CPE: variants seen among roughly 807,000 people sequenced by gnomAD.
CPE encodes the protein carboxypeptidase E.
CPE carries 17 observed loss-of-function variants against 53.5 expected under a neutral mutation model. The ratio of observed to expected loss-of-function variants is 0.32; its 90% CI spans 0.22 to 0.48. CPE has a LOEUF of 0.48. Among genes scored for constraint, CPE ranks in the 20% least tolerant of loss-of-function variants. CPE has a pLI of 0.99. For missense variants in CPE, 524 were observed against 614.7 expected, an observed-to-expected ratio of 0.85 and a Z score of 1.56; for synonymous variants, 226 against 228.8, an observed-to-expected ratio of 0.99 and a Z score of 0.11.
chr4:165,383,552 C>T (rs115561921), intron 1 of CPE, among the ~76,000 whole-genome samples: 2,336 of 152,270 alleles, frequency 0.015, 60 homozygotes, highest in African/African-American at 0.052. Flanking sequence ...AGCTAAAACG[C>T]TATCTCAAAA....
chr4:165,455,617 T>G (rs981147710), intron 1 of CPE, among the ~76,000 whole-genome samples: 1 of 152,118 alleles, frequency 6.6e-6, no homozygotes, highest in Non-Finnish European at 1.5e-5. Flanking sequence ...AAAACTTCTC[T>G]GTGCTCACTT....
At chr4:165,460,079 T>TATACCAGCC (rs1028661288) in intron 1 of CPE, among the ~76,000 whole-genome samples, 1 of 152,056 alleles carries the variant, frequency 6.6e-6, no homozygotes, top group Non-Finnish European at 1.5e-5. Context: ...ACGTGTACAT[T>TATACCAGCC]ATACCAGCCG....
intron 1 of CPE, among the ~76,000 whole-genome samples, chr4:165,438,447 T>G (rs1260674142): frequency 6.6e-6 from 1 of 152,118 alleles, no homozygotes; most frequent in Non-Finnish European, 1.5e-5. Flanking sequence ...CATCTATCCT[T>G]CTTTATTTGA....
chr4:165,496,096 TGTGCTAAGTA>T (rs1255769616), intron 8 of CPE, among the ~76,000 whole-genome samples: 3 of 152,208 alleles, frequency 2.0e-5, no homozygotes, highest in African/African-American at 7.2e-5. Context: ...CAAGGCTCTC[TGTGCTAAGTA>T]GTATCAAAAA....
chr4:165,461,166 C>CAA lies in CPE; in HGVS notation c.308-3204_308-3203dup, dbSNP rs1173022270. On this transcript the variant is annotated intron_variant, in intron 1 of 8. Transcript: ENST00000402744. ...TGGGTGACAGAGTGAGCCTCTGCCT[C>CAA]AAAAAAAAAAAAAAAAAAAAAGAAA... Among the ~76,000 whole-genome samples, 386 of 44,178 alleles carry CAA rather than the reference C, an allele frequency of 8.7e-3. 33 individuals carry two copies. Among genetic ancestry groups the CAA allele is most frequent in the South Asian group, 0.015 (13 of 872 alleles). The allele number at this position is 44,178 out of a possible 152,430, so 29.0% of individuals were successfully genotyped here.
intron 3 of CPE, among the ~76,000 whole-genome samples, chr4:165,476,120 A>G (rs1732294972): frequency 6.6e-6 from 1 of 152,214 alleles, no homozygotes; most frequent in Non-Finnish European, 1.5e-5. Flanking sequence ...CATAAGGCAG[A>G]GCGAGAGACT....
intron 1 of CPE, among the ~76,000 whole-genome samples, chr4:165,387,587 G>A (rs1324990021): frequency 3.3e-5 from 5 of 152,108 alleles, no homozygotes; most frequent in Non-Finnish European, 7.3e-5. Context: ...AAGGCGGGTG[G>A]ATCACGAGGT....
intron 1 of CPE, among the ~76,000 whole-genome samples, chr4:165,403,277 A>G (rs2126662651): frequency 6.6e-6 from 1 of 152,348 alleles, no homozygotes; most frequent in African/African-American, 2.4e-5. Context: ...TGAAACCAGG[A>G]AAGGCTCATG....
intron 1 of CPE, among the ~76,000 whole-genome samples, chr4:165,422,542 T>C (rs1156985487): frequency 6.6e-6 from 1 of 152,136 alleles, no homozygotes; most frequent in Non-Finnish European, 1.5e-5. Flanking sequence ...TCAGTCAATT[T>C]AGGAAGTTTA....
chr4:165,442,025 TTTTTTTTTTTG>T (rs1405729452), intron 1 of CPE, among the ~76,000 whole-genome samples: 45 of 104,758 alleles, frequency 4.3e-4, no homozygotes, highest in South Asian at 1.4e-3. Context: ...GTGAGTTTGT[TTTTTTTTTTTG>T]TTTTTTTTTT....
At chr4:165,403,621 A>G (rs949004654) in intron 1 of CPE, among the ~76,000 whole-genome samples, 4 of 152,074 alleles carry the variant, frequency 2.6e-5, no homozygotes, top group African/African-American at 9.7e-5. Context: ...TAACAACATG[A>G]AAAGAGGATG....
intron 1 of CPE, among the ~76,000 whole-genome samples, chr4:165,421,418 TC>T: frequency 6.6e-6 from 1 of 152,332 alleles, no homozygotes; most frequent in Non-Finnish European, 1.5e-5. Flanking sequence ...CTGCCTCTAT[TC>T]CACCTGCTGG....
intron 1 of CPE, chr4:165,405,560 G>T (rs768806305): frequency 2.1e-5 from 19 of 917,104 alleles, no homozygotes; most frequent in Non-Finnish European, 3.3e-5. Flanking sequence ...CATGGCATAC[G>T]CTGTTAATTT....
At chr4:165,414,029 C>T (rs729699) in intron 1 of CPE, among the ~76,000 whole-genome samples, 7,667 of 151,992 alleles carry the variant, frequency 0.05, 338 homozygotes, top group African/African-American at 0.12. Context: ...GCTTATAGCA[C>T]ACTGGGAAAA....
At chr4:165,417,815 A>G (rs904274804) in intron 1 of CPE, among the ~76,000 whole-genome samples, 12 of 151,352 alleles carry the variant, frequency 7.9e-5, no homozygotes, top group Admixed American at 3.3e-4. Context: ...AGCCCCTGGT[A>G]TCGTGCTTGG....
chr4:165,408,845 G>T (rs1730992923), intron 1 of CPE, among the ~76,000 whole-genome samples: 1 of 152,222 alleles, frequency 6.6e-6, no homozygotes, highest in Non-Finnish European at 1.5e-5. Flanking sequence ...GGGGTGGAGG[G>T]AGACACAGAG....
At chr4:165,400,549 C>G (rs1437584537) in intron 1 of CPE, among the ~76,000 whole-genome samples, 2 of 151,932 alleles carry the variant, frequency 1.3e-5, no homozygotes, top group Non-Finnish European at 2.9e-5. Flanking sequence ...ACTCCCAGCA[C>G]TGGTTGGAAG....
At chr4:165,445,480 TGAAA>T (rs1419682190) in intron 1 of CPE, among the ~76,000 whole-genome samples, 1 of 151,974 alleles carries the variant, frequency 6.6e-6, no homozygotes, top group Non-Finnish European at 1.5e-5. Flanking sequence ...TTTGAAAAAA[TGAAA>T]GAAATGACAA....
chr4:165,497,376 A>G (rs1279037930), intron 8 of CPE, 136 bp from the exon 9 acceptor site: 2 of 433,390 alleles, frequency 4.6e-6, no homozygotes, highest in Non-Finnish European at 8.0e-6. Context: ...GTTTATTGCA[A>G]GAGATTTTAT....
Sources: allele counts gnomAD v4.1 joint callset (sites outside exome capture counted in the v4.1 genomes callset), GRCh38; gene constraint gnomAD v4.1.1; transcripts MANE v1.5; gene names NCBI Gene and HGNC (gene_info 2026-07-23, HGNC 2026-07-21).